KLF5: variants seen among roughly 807,000 people sequenced by gnomAD.
KLF5 encodes the protein Krueppel-like factor 5.
Under a neutral mutation model 36.9 loss-of-function variants are expected in KLF5, and 9 were observed. The observed-to-expected ratio is 0.24, with a 90% CI of 0.15 to 0.43. The LOEUF is 0.43. Ranked by LOEUF, KLF5 falls within the 20% of genes least tolerant of loss-of-function variation. KLF5 has a pLI of 1.00. For synonymous variants in KLF5, 246 were observed against 241.7 expected (o/e 1.02, Z -0.17); for missense variants, 524 against 599.5 (o/e 0.87, Z 1.31).
In KLF5 at chr13:73,059,419, A is replaced by T. The variant is rs928775073; in HGVS notation, c.92A>T (p.Lys31Met). 23 of 1,357,972 alleles carry T rather than the reference A, an allele frequency of 1.7e-5. No individual in the cohort carries two copies. The highest frequency in any genetic ancestry group is 3.0e-5 in the African/African-American group (2 of 65,892). 84.1% of individuals were successfully genotyped at this position (1,357,972 alleles called of 1,614,324 possible). A position where few individuals can be genotyped will look rare whatever the true frequency, so the allele number is the denominator to read the frequency against. Reference sequence around the variant, plus strand: ...GACGAGCCGGTGTTCGCGCAGCTCAAGCCGGTGCTGGGCGCCGCGAATCCG... The same window carrying T: ...GACGAGCCGGTGTTCGCGCAGCTCATGCCGGTGCTGGGCGCCGCGAATCCG... ...PQDEPVFAQL[K>M]PVLGAANPAR... Residue 31 changes from lysine to methionine, a missense_variant, in exon 1 of 4, where the codon AAG (lysine) becomes ATG (methionine). By Grantham distance (95) the Lys-to-Met change is moderately conservative. Coordinates refer to ENST00000377687, the MANE Select transcript of KLF5 (RefSeq NM_001730.5).
chr13:73,060,741 A>G (rs958513967), intron 1 of KLF5: 1 of 152,206 alleles, frequency 6.6e-6, no homozygotes, highest in African/African-American at 2.4e-5. Flanking sequence ...TGCCACAGCT[A>G]ATATATGCGC....
At position 73,076,237 on chromosome 13, in the gene KLF5, C is replaced by T. The variant is rs1254123916; in HGVS notation, c.*351C>T. ...ATTTAATGTGACAGTGTTCAGTAAA[C>T]AAATCAGTTGGCAGGCACCAGAAGA... On this transcript the variant is annotated 3_prime_UTR_variant, in exon 4 of 4. Coordinates refer to ENST00000377687, the MANE Select transcript of KLF5 (RefSeq NM_001730.5). 2.1e-5 allele frequency: 4 copies of T among 193,180 alleles called. No homozygotes were observed. Among genetic ancestry groups the T allele is most frequent in the East Asian group, 1.2e-4 (1 of 8,596 alleles). The allele number at this position is 193,180 out of a possible 1,614,324, so 12.0% of individuals were successfully genotyped here. A position where few individuals can be genotyped will look rare whatever the true frequency, so the allele number is the denominator to read the frequency against.
chr13:73,069,611 A>G (rs533493249), intron 3 of KLF5, among the ~76,000 whole-genome samples: 8 of 152,276 alleles, frequency 5.3e-5, no homozygotes, highest in African/African-American at 1.4e-4. Flanking sequence ...ACCCCAGGAA[A>G]GGTATTTATG....
In KLF5 at chr13:73,075,970, C is replaced by A. The variant is rs80009386; in HGVS notation, c.*84C>A. ...TATTCCTGTGTAAAAACAACAAAAA[C>A]AAACAAAAGCAAGAAAACCACAACT... On this transcript the variant is annotated 3_prime_UTR_variant, in exon 4 of 4. Transcript: ENST00000377687. 227 of 1,063,592 alleles carry A rather than the reference C, an allele frequency of 2.1e-4. No homozygotes were observed. Among genetic ancestry groups the A allele is most frequent in the African/African-American group, 1.7e-3 (106 of 61,510 alleles). The allele number at this position is 1,063,592 out of a possible 1,614,324, so 65.9% of individuals were successfully genotyped here.
intron 3 of KLF5, among the ~76,000 whole-genome samples, chr13:73,067,909 C>T (rs112914811): frequency 4.0e-5 from 6 of 150,540 alleles, no homozygotes; most frequent in African/African-American, 7.3e-5. Flanking sequence ...GGTGCGATCT[C>T]GGCTCACTGC....
chr13:73,062,985 G>T (rs763239769), intron 2 of KLF5, among the ~76,000 whole-genome samples: 1 of 151,498 alleles, frequency 6.6e-6, no homozygotes, highest in Non-Finnish European at 1.5e-5. Flanking sequence ...CAAAAACTTG[G>T]CTAGAATATT....
rs766886983 is a variant in KLF5 at position 73,062,758 on chromosome 13, G to T, written c.1135+24G>T. On this transcript the variant is annotated intron_variant, in intron 2 of 3. Transcript: ENST00000377687. ...TGGTATGTGCTCTTACCTGGTTGAAGCATCAATAGATGTAGTGTGTGTGTG... is the reference window on the plus strand; with the variant it reads ...TGGTATGTGCTCTTACCTGGTTGAATCATCAATAGATGTAGTGTGTGTGTG... 5 of 1,599,056 alleles carry T rather than the reference G, an allele frequency of 3.1e-6. No homozygotes were observed. In the South Asian group the frequency reaches 5.6e-5, roughly 18 times the overall value.
intron 3 of KLF5, among the ~76,000 whole-genome samples, chr13:73,069,405 G>GT (rs1415267697): frequency 2.6e-5 from 4 of 152,102 alleles, no homozygotes; most frequent in Non-Finnish European, 4.4e-5. Flanking sequence ...GGACTCAGTG[G>GT]TTTTTTGAGT....
chr13:73,064,945 C>T (rs924744111), intron 3 of KLF5, among the ~76,000 whole-genome samples: 4 of 152,138 alleles, frequency 2.6e-5, no homozygotes, highest in Non-Finnish European at 5.9e-5. Context: ...CAAATATTGT[C>T]AAATATATAG....
chr13:73,056,146 C>T (rs896629472), upstream of KLF5, among the ~76,000 whole-genome samples: 2 of 151,956 alleles, frequency 1.3e-5, no homozygotes, highest in Non-Finnish European at 2.9e-5. Context: ...TATTTATTCC[C>T]GTAAAGATAG....
intron 3 of KLF5, 112 bp from the exon 4 acceptor site, chr13:73,075,596 C>A: frequency 5.7e-6 from 5 of 870,432 alleles, no homozygotes; most frequent in Non-Finnish European, 8.8e-6. Context: ...CATGAGCTTT[C>A]CTTCTTTCGC....
At chr13:73,063,685 CTT>C (rs1194229894) in intron 2 of KLF5, 137 bp from the exon 3 acceptor site, 4 of 628,842 alleles carry the variant, frequency 6.4e-6, no homozygotes, top group African/African-American at 1.8e-5. Flanking sequence ...CTCTTTAAAA[CTT>C]TTAAAACTGA....
intron 1 of KLF5, among the ~76,000 whole-genome samples, chr13:73,061,390 T>G (rs2044633649): frequency 6.6e-6 from 1 of 152,058 alleles, no homozygotes; most frequent in African/African-American, 2.4e-5. Context: ...CTGTGCAATA[T>G]TTTAAAGGTT....
chr13:73,062,811 G>A (rs1001197615), intron 2 of KLF5, 77 bp downstream of exon 2: 29 of 1,275,874 alleles, frequency 2.3e-5, no homozygotes, highest in African/African-American at 1.4e-4. Context: ...GCGCGTGTGC[G>A]TGTGTGCACG....
In KLF5 at chr13:73,059,091, T is replaced by C. The variant is rs1734123115; in HGVS notation, c.-237T>C. 2 of 365,556 alleles carry C rather than the reference T, an allele frequency of 5.5e-6. No individual in the cohort carries two copies. The highest frequency in any genetic ancestry group is 9.7e-6 in the Non-Finnish European group (2 of 205,888). The allele number at this position is 365,556 out of a possible 1,614,324, so 22.6% of individuals were successfully genotyped here. On this transcript the variant is annotated 5_prime_UTR_variant, in exon 1 of 4. Transcript: ENST00000377687. ...GGCTCCGGAGAGCCTGAGAGCACGGTGGGGCGGGGCGGGAGAAAGTGGCCG... is the reference window on the plus strand; with the variant it reads ...GGCTCCGGAGAGCCTGAGAGCACGGCGGGGCGGGGCGGGAGAAAGTGGCCG...
chr13:73,055,307 G>A (rs896265258), upstream of KLF5: 4 of 152,210 alleles, frequency 2.6e-5, no homozygotes, highest in Middle Eastern at 3.4e-3. Flanking sequence ...AATATAAAAT[G>A]TAATTTCTTA....
intron 3 of KLF5, among the ~76,000 whole-genome samples, chr13:73,066,370 G>A (rs2044680209): frequency 1.3e-5 from 2 of 151,106 alleles, no homozygotes; most frequent in Non-Finnish European, 2.9e-5. Flanking sequence ...AGTTAGGACA[G>A]TTTTTCTAAA....
At chr13:73,064,196 GAA>G (rs999126893) in intron 3 of KLF5, among the ~76,000 whole-genome samples, 3 of 151,080 alleles carry the variant, frequency 2.0e-5, no homozygotes, top group Non-Finnish European at 4.4e-5. Flanking sequence ...TGTTTTGAAG[GAA>G]AAAAAACAAA....
rs942441417 is a variant in KLF5 at position 73,076,412 on chromosome 13, G to A, written c.*526G>A. On this transcript the variant is annotated 3_prime_UTR_variant, in exon 4 of 4. Transcript: ENST00000377687. ...TAAAAATTATATACATATATGAGTT[G>A]CCTATATTTGCTATTCAAAATTTTG... The A allele has an allele frequency of 2.6e-5, 4 of 152,598 alleles. No individual in the cohort carries two copies. Among genetic ancestry groups the A allele is most frequent in the African/African-American group, 9.7e-5 (4 of 41,416 alleles). The allele number at this position is 152,598 out of a possible 1,614,324, so 9.5% of individuals were successfully genotyped here. A position where few individuals can be genotyped will look rare whatever the true frequency, so the allele number is the denominator to read the frequency against.
Sources: gnomAD v4.1 joint callset for allele counts (sites outside exome capture counted in the v4.1 genomes callset) on GRCh38, gnomAD v4.1.1 for gene constraint, MANE v1.5 for transcripts, NCBI Gene and HGNC (gene_info 2026-07-23, HGNC 2026-07-21) for gene names.